ATP23: variants seen among roughly 807,000 people sequenced by gnomAD.
ATP23 encodes mitochondrial inner membrane protease ATP23 homolog.
In ATP23, 24 loss-of-function variants were observed where a neutral mutation model predicts 28.5. That is an observed-to-expected ratio of 0.84 (90% CI 0.61 to 1.18). ATP23 has a LOEUF of 1.18. Ranked by LOEUF, ATP23 falls within the 50% of genes most tolerant of loss-of-function variation. ATP23 has a pLI of 0.00. For missense variants in ATP23, 274 were observed against 306.4 expected (o/e 0.89, Z 0.79); for synonymous variants, 99 against 108.6 (o/e 0.91, Z 0.55).
At chr12:57,945,467 A>G (rs1050337468) in intron 1 of ATP23, among the ~76,000 whole-genome samples, 161 bp from the exon 2 acceptor site, 31 of 152,032 alleles carry the variant, frequency 2.0e-4, no homozygotes, top group Non-Finnish European at 3.2e-4. Context: ...CCTGGCCTCA[A>G]ATGATCCACC....
rs746810842 is a variant in ATP23 at position 57,941,788 on chromosome 12, C to T, written c.87C>T (p.Pro29=). 4 of 1,607,806 alleles carry T rather than the reference C, an allele frequency of 2.5e-6. No homozygotes were observed. Among genetic ancestry groups the T allele is most frequent in the South Asian group, 1.1e-5 (1 of 89,882 alleles). ...AACACGTCTCTTGCCAGGTCTTCCC[C>T]GAGCGTCTGGCCCAGGGGAATCCCC... ...QQQHVSCQVF[P]ERLAQGNPQQ... Residue 29 remains proline (P), a synonymous_variant, in exon 1 of 6, where the codon CCC becomes CCT. Coordinates refer to ENST00000300145, the MANE Select transcript of ATP23 (RefSeq NM_033276.4).
Position 57,958,096 on chromosome 12 carries a change from C to G in ATP23, c.*1206C>G, listed in dbSNP as rs778783698. On this transcript the variant is annotated 3_prime_UTR_variant, in exon 6 of 6. Transcript: ENST00000300145. ...CGGCTTGTGTGGGAGCTGGGTGAGG[C>G]CTGTGACTGCCGGCTTTCCCCTACT... Among the ~76,000 whole-genome samples, 11 of 152,042 alleles carry G rather than the reference C, an allele frequency of 7.2e-5. No individual in the cohort carries two copies. The highest frequency in any genetic ancestry group is 6.5e-4 in the Admixed American group (10 of 15,272).
chr12:57,947,184 T>TA, intron 3 of ATP23, 108 bp downstream of exon 3: 1 of 1,016,482 alleles, frequency 9.8e-7, no homozygotes, highest in Non-Finnish European at 1.5e-6. Context: ...TATGTAGGAC[T>TA]AAAAAAGTGA....
intron 5 of ATP23, among the ~76,000 whole-genome samples, chr12:57,955,173 TA>T (rs551334477): frequency 3.4e-4 from 49 of 145,352 alleles, no homozygotes; most frequent in Middle Eastern, 3.5e-3. Context: ...AAAAATTCCT[TA>T]AAAAAAAAAA....
chr12:57,944,429 G>T (rs1348338242), intron 1 of ATP23, among the ~76,000 whole-genome samples: 2 of 152,024 alleles, frequency 1.3e-5, no homozygotes, highest in African/African-American at 4.8e-5. Flanking sequence ...AGGCATTTGG[G>T]CTCCTTGTAC....
At chr12:57,951,994 C>G (rs1015391781) in intron 4 of ATP23, 99 bp downstream of exon 4, 11 of 1,446,054 alleles carry the variant, frequency 7.6e-6, no homozygotes, top group Non-Finnish European at 9.4e-6. Context: ...TGTCATAGTT[C>G]TACCTTAGTC....
Position 57,954,215 on chromosome 12 carries a change from A to G in ATP23, c.537+526A>G, listed in dbSNP as rs1208264976. Among the ~76,000 whole-genome samples the G allele has an allele frequency of 3.4e-5, 5 of 147,098 alleles. No individual in the cohort carries two copies. In the South Asian group the frequency reaches 8.7e-4, roughly 26 times the overall value. On this transcript the variant is annotated intron_variant, in intron 5 of 5. Transcript: ENST00000300145. The stretch of plus-strand genomic sequence containing the variant: ...ATCTCAAAAAAAAAAAAAAAAAAAA[A>G]GGAGCTAAGATCTTGCATCTGGGAT...
intron 1 of ATP23, among the ~76,000 whole-genome samples, chr12:57,943,085 G>A (rs1406412285): frequency 6.6e-6 from 1 of 152,164 alleles, no homozygotes; most frequent in Non-Finnish European, 1.5e-5. Flanking sequence ...GAGGTAGGAG[G>A]AGGAAGGGGA....
intron 3 of ATP23, 65 bp from the exon 4 acceptor site, chr12:57,951,693 G>A (rs571099001): frequency 2.4e-5 from 38 of 1,580,982 alleles, no homozygotes; most frequent in Non-Finnish European, 3.2e-5. Context: ...ATGTGGGAGA[G>A]AAGATCGAGT....
Position 57,956,973 on chromosome 12 carries a change from A to G in ATP23, c.*83A>G. 1.8e-6 allele frequency: 2 copies of G among 1,123,914 alleles called. No homozygotes were observed. Among genetic ancestry groups the G allele is most frequent in the Non-Finnish European group, 2.5e-6 (2 of 806,536 alleles). 69.6% of individuals were successfully genotyped at this position (1,123,914 alleles called of 1,614,324 possible). Reference sequence around the variant, plus strand: ...GTTCTCAAGTGAACAAACATATAAAATGTAAACAATCCCTACAATCCAGAT... The same window carrying G: ...GTTCTCAAGTGAACAAACATATAAAGTGTAAACAATCCCTACAATCCAGAT... On this transcript the variant is annotated 3_prime_UTR_variant, in exon 6 of 6. Transcript: ENST00000300145.
chr12:57,958,200 C>T lies in ATP23; in HGVS notation c.*1310C>T, dbSNP rs1956886184. Among the ~76,000 whole-genome samples the T allele has an allele frequency of 6.6e-6, 1 of 152,136 alleles. No individual in the cohort carries two copies. The highest frequency in any genetic ancestry group is 6.5e-5 in the Admixed American group (1 of 15,272). ...CAACTCCAGTGACCTGGGAATCTCA[C>T]CCTCATCTCCCACAACAGTCACAGC... On this transcript the variant is annotated 3_prime_UTR_variant, in exon 6 of 6. Coordinates refer to ENST00000300145, the MANE Select transcript of ATP23 (RefSeq NM_033276.4).
At chr12:57,947,603 C>T (rs1259549278) in intron 3 of ATP23, among the ~76,000 whole-genome samples, 5 of 152,094 alleles carry the variant, frequency 3.3e-5, no homozygotes, top group Admixed American at 6.6e-5. Context: ...TTTACCTTTA[C>T]GTGGTGAGAA....
intron 5 of ATP23, among the ~76,000 whole-genome samples, chr12:57,954,827 G>T (rs1016536651): frequency 1.2e-5 from 1 of 83,642 alleles, no homozygotes; most frequent in Non-Finnish European, 3.2e-5. Flanking sequence ...ACTCTGGAGT[G>T]GGGGGTGGAA....
In ATP23 at chr12:57,957,003, C is replaced by A. The variant is rs1956875540; in HGVS notation, c.*113C>A. ...AACAATCCCTACAATCCAGATAAAACAGAGAAGACTGTGATTCTAGCATAT... is the reference window on the plus strand; with the variant it reads ...AACAATCCCTACAATCCAGATAAAAAAGAGAAGACTGTGATTCTAGCATAT... On this transcript the variant is annotated 3_prime_UTR_variant, in exon 6 of 6. Coordinates refer to ENST00000300145, the MANE Select transcript of ATP23 (RefSeq NM_033276.4). 2.4e-6 allele frequency: 2 copies of A among 824,310 alleles called. No individual in the cohort carries two copies. Among genetic ancestry groups the A allele is most frequent in the African/African-American group, 1.8e-5 (1 of 55,906 alleles). The allele number at this position is 824,310 out of a possible 1,614,324, so 51.1% of individuals were successfully genotyped here. A position where few individuals can be genotyped will look rare whatever the true frequency, so the allele number is the denominator to read the frequency against.
Position 57,957,712 on chromosome 12 carries a change from GC to G in ATP23, c.*823del. 1.3e-5 allele frequency among the ~76,000 whole-genome samples: 2 copies of G among 152,338 alleles called. No homozygotes were observed. Among genetic ancestry groups the G allele is most frequent in the East Asian group, 3.9e-4 (2 of 5,182 alleles). ...GAGCCGAGCGAAATACAGGGGTAGA[GC>G]AAGCAGCAGGAAGGCCCAGGGAGCT... On this transcript the variant is annotated 3_prime_UTR_variant, in exon 6 of 6. Coordinates refer to ENST00000300145, the MANE Select transcript of ATP23 (RefSeq NM_033276.4).
Position 57,947,083 on chromosome 12 carries a change from A to C in ATP23, c.315+7A>C. 1 of 1,613,064 alleles carries C rather than the reference A, an allele frequency of 6.2e-7. No homozygotes were observed. ...TGATGCTTCAACATCTCAGGTAGGC[A>C]TTATTGCCAAATTGTTTCCTTCCCT... On this transcript the variant is annotated splice_region_variant and intron_variant, in intron 3 of 5. Coordinates refer to ENST00000300145, the MANE Select transcript of ATP23 (RefSeq NM_033276.4).
chr12:57,947,089 G>A lies in ATP23; in HGVS notation c.315+13G>A, dbSNP rs747182715. 5.6e-6 allele frequency: 9 copies of A among 1,611,912 alleles called. No individual in the cohort carries two copies. The South Asian group carries it at 8.8e-5, about 16-fold the overall frequency. On this transcript the variant is annotated intron_variant, in intron 3 of 5. Transcript: ENST00000300145. ...TTCAACATCTCAGGTAGGCATTATT[G>A]CCAAATTGTTTCCTTCCCTTTAATC...
Position 57,942,021 on chromosome 12 carries a change from G to A in ATP23, c.187+133G>A. On this transcript the variant is annotated intron_variant, in intron 1 of 5. Coordinates refer to ENST00000300145, the MANE Select transcript of ATP23 (RefSeq NM_033276.4). ...AGTCTAGACAGACTGGGCATCATGG[G>A]GGCTGGGTTGGGAGCCTGAGGCTCA... is the stretch of plus-strand genomic sequence containing the variant. The A allele has an allele frequency of 2.9e-5, 32 of 1,100,346 alleles. No individual in the cohort carries two copies. In the South Asian group the frequency reaches 5.4e-4, roughly 19 times the overall value. The allele number at this position is 1,100,346 out of a possible 1,614,324, so 68.2% of individuals were successfully genotyped here.
intron 1 of ATP23, among the ~76,000 whole-genome samples, chr12:57,942,688 G>T (rs1479922177): frequency 1.3e-5 from 2 of 152,256 alleles, no homozygotes; most frequent in South Asian, 2.1e-4. Flanking sequence ...CTCCCAAAGT[G>T]CTGGGATTAC....
Sources: allele counts gnomAD v4.1 joint callset (sites outside exome capture counted in the v4.1 genomes callset), GRCh38; gene constraint gnomAD v4.1.1; transcripts MANE v1.5; gene names NCBI Gene and HGNC (gene_info 2026-07-23, HGNC 2026-07-21).